Variants in ADCY2 observed in about 807,000 individuals in gnomAD.
The protein encoded by ADCY2 is adenylate cyclase type 2.
ADCY2 carries 31 observed loss-of-function variants against 125.2 expected under a neutral mutation model. The observed-to-expected ratio is 0.25, with a 90% CI of 0.19 to 0.33. The LOEUF is 0.33. Among genes scored for constraint, ADCY2 ranks in the 10% least tolerant of loss-of-function variants. The pLI is 1.00. For missense variants in ADCY2, 904 were observed against 1,418.2 expected, an observed-to-expected ratio of 0.64 and a Z score of 5.82; for synonymous variants, 512 against 548.4, an observed-to-expected ratio of 0.93 and a Z score of 0.93.
chr5:7,558,981 G>A (rs1735624478), intron 3 of ADCY2, among the ~76,000 whole-genome samples: 1 of 152,162 alleles, frequency 6.6e-6, no homozygotes, highest in Non-Finnish European at 1.5e-5. Context: ...AGATCAGACA[G>A]TTGCAGGTGT....
intron 4 of ADCY2, among the ~76,000 whole-genome samples, chr5:7,631,814 A>C (rs1738319470): frequency 6.6e-6 from 1 of 152,170 alleles, no homozygotes. Flanking sequence ...AAGATTGAAC[A>C]GAGGAGTCTG....
At chr5:7,594,595 AT>A (rs201281514) in intron 3 of ADCY2, among the ~76,000 whole-genome samples, 2,498 of 152,286 alleles carry the variant, frequency 0.016, 81 homozygotes, top group African/African-American at 0.057. Flanking sequence ...TTAATTAGTT[AT>A]TGACTTAATT....
intron 2 of ADCY2, among the ~76,000 whole-genome samples, chr5:7,485,967 ATATC>A (rs1174200264): frequency 2.0e-5 from 3 of 152,358 alleles, no homozygotes; most frequent in East Asian, 1.9e-4. Context: ...ATTTTAATAA[ATATC>A]TATTTTTATG....
chr5:7,707,977 T>C (rs1424910184), intron 9 of ADCY2, 139 bp downstream of exon 9: 1 of 882,646 alleles, frequency 1.1e-6, no homozygotes, highest in African/African-American at 1.7e-5. Flanking sequence ...ATATGGTGGT[T>C]TAATTACAGA....
chr5:7,742,972 G>A (rs1742480267), intron 14 of ADCY2, among the ~76,000 whole-genome samples: 1 of 152,010 alleles, frequency 6.6e-6, no homozygotes. Context: ...ATTAAACTAA[G>A]TTTTAAAAGG....
intron 3 of ADCY2, among the ~76,000 whole-genome samples, chr5:7,620,896 G>GAAA (rs113307576): frequency 4.2e-5 from 6 of 144,206 alleles, no homozygotes; most frequent in African/African-American, 1.0e-4. Flanking sequence ...TTAGTTCATA[G>GAAA]AAAAAAAAAA....
At chr5:7,673,836 G>T (rs1455195452) in intron 4 of ADCY2, among the ~76,000 whole-genome samples, 1 of 152,208 alleles carries the variant, frequency 6.6e-6, no homozygotes, top group Non-Finnish European at 1.5e-5. Flanking sequence ...CTCCAGGGCT[G>T]TTGTATCCTG....
chr5:7,493,941 C>T (rs941621441), intron 2 of ADCY2, among the ~76,000 whole-genome samples: 6 of 152,166 alleles, frequency 3.9e-5, no homozygotes, highest in Non-Finnish European at 5.9e-5. Flanking sequence ...AGCCCTATAA[C>T]GCTCTCTCCC....
chr5:7,700,159 C>T (rs1247908773), intron 7 of ADCY2, among the ~76,000 whole-genome samples: 1 of 152,098 alleles, frequency 6.6e-6, no homozygotes, highest in East Asian at 1.9e-4. Context: ...CAAAAATGCT[C>T]AGCTCTGTGA....
intron 2 of ADCY2, among the ~76,000 whole-genome samples, chr5:7,491,263 T>C (rs960359602): frequency 2.0e-5 from 3 of 152,166 alleles, no homozygotes; most frequent in Non-Finnish European, 2.9e-5. Context: ...ATGATTTTTT[T>C]TTTTTTGAGA....
intron 3 of ADCY2, among the ~76,000 whole-genome samples, chr5:7,558,647 T>C (rs1735612463): frequency 1.3e-5 from 2 of 152,194 alleles, no homozygotes; most frequent in South Asian, 4.1e-4. Flanking sequence ...GTTTTCTCCA[T>C]TGATAGTTTC....
At chr5:7,489,303 C>T (rs1490203776) in intron 2 of ADCY2, among the ~76,000 whole-genome samples, 1 of 152,216 alleles carries the variant, frequency 6.6e-6, no homozygotes, top group Non-Finnish European at 1.5e-5. Flanking sequence ...GGGACTATTG[C>T]ACCCTCCACT....
intron 3 of ADCY2, among the ~76,000 whole-genome samples, chr5:7,621,348 AAC>A (rs532108687): frequency 8.7e-4 from 132 of 152,256 alleles, no homozygotes; most frequent in Non-Finnish European, 9.8e-4. Context: ...TTACAGCATA[AAC>A]ACAAATGCTT....
intron 3 of ADCY2, among the ~76,000 whole-genome samples, chr5:7,583,000 G>T (rs2126614647): frequency 6.6e-6 from 1 of 152,166 alleles, no homozygotes; most frequent in African/African-American, 2.4e-5. Context: ...GTGTAGCAAG[G>T]TTGAAGAATA....
At chr5:7,444,737 T>G (rs1025292) in intron 2 of ADCY2, among the ~76,000 whole-genome samples, 122,711 of 152,112 alleles carry the variant, frequency 0.81, 50,029 homozygotes, top group African/African-American at 0.88. Flanking sequence ...GGACTGCTTT[T>G]CTTCCCCAGT....
chr5:7,472,205 T>C (rs954816723), intron 2 of ADCY2, among the ~76,000 whole-genome samples: 1 of 152,188 alleles, frequency 6.6e-6, no homozygotes, highest in Non-Finnish European at 1.5e-5. Flanking sequence ...AATGTTCTAT[T>C]TGTTTTTCTC....
intron 5 of ADCY2, among the ~76,000 whole-genome samples, chr5:7,693,087 A>G (rs569217885): frequency 3.9e-5 from 6 of 152,252 alleles, no homozygotes; most frequent in South Asian, 2.1e-4. Flanking sequence ...TTCATTTTCA[A>G]TGCTTCCCTC....
intron 20 of ADCY2, among the ~76,000 whole-genome samples, chr5:7,792,448 C>T (rs891509204): frequency 4.6e-5 from 7 of 152,028 alleles, no homozygotes; most frequent in Admixed American, 2.6e-4. Context: ...AGGAGGGTCC[C>T]TTCCTAGACA....
At chr5:7,638,316 T>G (rs1237777976) in intron 4 of ADCY2, among the ~76,000 whole-genome samples, 1 of 152,214 alleles carries the variant, frequency 6.6e-6, no homozygotes, top group Non-Finnish European at 1.5e-5. Context: ...TATCATTGAC[T>G]GTAGAATGAG....
Sources: gnomAD v4.1 joint callset for allele counts (sites outside exome capture counted in the v4.1 genomes callset) on GRCh38, gnomAD v4.1.1 for gene constraint, MANE v1.5 for transcripts, NCBI Gene and HGNC (gene_info 2026-07-23, HGNC 2026-07-21) for gene names.